Variants in GNG4 observed in about 807,000 individuals in gnomAD.
GNG4 encodes guanine nucleotide-binding protein G(I)/G(S)/G(O) subunit gamma-4.
In GNG4, 4 loss-of-function variants were observed where a neutral mutation model predicts 5.8. That is an observed-to-expected ratio of 0.69 (90% CI 0.34 to 1.57). The LOEUF (loss-of-function observed/expected upper bound fraction) is 1.57. GNG4 is among the 40% of genes most tolerant of loss of function. The probability of loss-of-function intolerance (pLI) is 0.06; values close to 1 mark genes in which losing one functional copy is unlikely to be tolerated. For synonymous variants in GNG4, 29 were observed against 32.9 expected (o/e 0.88, Z 0.41); for missense variants, 96 against 95.1 (o/e 1.01, Z -0.04).
intron 3 of GNG4, among the ~76,000 whole-genome samples, chr1:235,569,202 C>T (rs551000206): frequency 6.6e-6 from 1 of 152,246 alleles, no homozygotes; most frequent in East Asian, 1.9e-4. Context: ...AATTCAAGCA[C>T]CTAACACATA....
At chr1:235,645,503 A>T (rs930733858) in intron 1 of GNG4, among the ~76,000 whole-genome samples, 8 of 152,162 alleles carry the variant, frequency 5.3e-5, no homozygotes, top group African/African-American at 1.9e-4. Flanking sequence ...AGGTGCTTGA[A>T]TAAGAATGTT....
chr1:235,591,878 G>C (rs1403529983), intron 2 of GNG4, among the ~76,000 whole-genome samples: 1 of 152,236 alleles, frequency 6.6e-6, no homozygotes, highest in Non-Finnish European at 1.5e-5. Flanking sequence ...ATGCAGCAGA[G>C]AACCCGTTGT....
intron 3 of GNG4, among the ~76,000 whole-genome samples, chr1:235,570,927 C>CATATACACACAT (rs575887309): frequency 1.7e-5 from 2 of 118,902 alleles, no homozygotes; most frequent in African/African-American, 6.7e-5. Flanking sequence ...TATATATACA[C>CATATACACACAT]ACACACACAC....
In GNG4 at chr1:235,644,599, C is replaced by T. The variant is rs950370628; in HGVS notation, c.-123+5063G>A. Among the ~76,000 whole-genome samples, 2 of 152,360 alleles carry T rather than the reference C, an allele frequency of 1.3e-5. No homozygotes were observed. The highest frequency in any genetic ancestry group is 2.9e-5 in the Non-Finnish European group (2 of 68,034). Reference sequence around the variant, plus strand: ...CACAGCTGCCGGGGGGATAAACAAGCACCTTCAGACTAGAGCAGCTTCTGA... The same window carrying T: ...CACAGCTGCCGGGGGGATAAACAAGTACCTTCAGACTAGAGCAGCTTCTGA... On this transcript the variant is annotated intron_variant, in intron 1 of 3. Transcript: ENST00000391854. The surrounding 1 kb of genome is among the most constrained non-coding windows in gnomAD (Gnocchi z 5.9).
intron 2 of GNG4, 92 bp from the exon 3 acceptor site, chr1:235,583,940 G>A: frequency 2.9e-6 from 2 of 679,450 alleles, no homozygotes; most frequent in East Asian, 5.4e-5. Context: ...CTCTGTCCAA[G>A]CCAGGGAGCA....
intron 1 of GNG4, among the ~76,000 whole-genome samples, chr1:235,610,957 C>T (rs1571912184): frequency 6.6e-6 from 1 of 152,134 alleles, no homozygotes; most frequent in South Asian, 2.1e-4. Context: ...GCGTGGTGGC[C>T]CATGCCTGTA....
chr1:235,570,851 T>TAC (rs1491021898), intron 3 of GNG4, among the ~76,000 whole-genome samples: 6 of 107,060 alleles, frequency 5.6e-5, no homozygotes. Context: ...TCCAGCTAAT[T>TAC]ATATATATAT....
At chr1:235,609,438 C>T (rs939968231) in intron 1 of GNG4, among the ~76,000 whole-genome samples, 2 of 152,092 alleles carry the variant, frequency 1.3e-5, no homozygotes, top group African/African-American at 4.8e-5. Flanking sequence ...TAGCCATCCT[C>T]GTGGGTGTGA....
chr1:235,643,124 C>G (rs1207652823), intron 1 of GNG4, among the ~76,000 whole-genome samples: 2 of 152,216 alleles, frequency 1.3e-5, no homozygotes, highest in Admixed American at 1.3e-4. Flanking sequence ...CAGTCACAGC[C>G]AGACGGCCAA....
chr1:235,585,045 C>G (rs544953367), intron 2 of GNG4, among the ~76,000 whole-genome samples: 1 of 152,298 alleles, frequency 6.6e-6, no homozygotes, highest in African/African-American at 2.4e-5. Flanking sequence ...CCACCTACCT[C>G]CTATGGGCAA....
chr1:235,567,347 T>G (rs1392471635), intron 3 of GNG4, among the ~76,000 whole-genome samples: 1 of 152,210 alleles, frequency 6.6e-6, no homozygotes, highest in Non-Finnish European at 1.5e-5. Context: ...TCGTCTTAAC[T>G]ATTTTTAAGT....
At chr1:235,591,749 G>A (rs544801558) in intron 2 of GNG4, among the ~76,000 whole-genome samples, 1 of 152,226 alleles carries the variant, frequency 6.6e-6, no homozygotes, top group Non-Finnish European at 1.5e-5. Context: ...ATGAGGCAAG[G>A]GGGAAAAGGG....
chr1:235,630,903 CT>C (rs1257976818), intron 1 of GNG4, among the ~76,000 whole-genome samples: 195 of 145,212 alleles, frequency 1.3e-3, no homozygotes, highest in South Asian at 1.8e-3. Context: ...AGAGACTCTC[CT>C]TTTTTTTTTT....
At chr1:235,593,364 G>A (rs1001019469) in intron 2 of GNG4, among the ~76,000 whole-genome samples, 3 of 152,144 alleles carry the variant, frequency 2.0e-5, no homozygotes, top group South Asian at 2.1e-4. Flanking sequence ...GACCTGACCT[G>A]ACTCACGGCA....
At chr1:235,580,072 A>G (rs1274856727) in intron 3 of GNG4, among the ~76,000 whole-genome samples, 1 of 152,252 alleles carries the variant, frequency 6.6e-6, no homozygotes, top group East Asian at 1.9e-4. Flanking sequence ...AATGGAATAC[A>G]ACTCAGCCCT....
intron 1 of GNG4, among the ~76,000 whole-genome samples, chr1:235,634,937 A>C (rs1463219581): frequency 7.4e-6 from 1 of 135,182 alleles, no homozygotes; most frequent in Non-Finnish European, 1.5e-5. Flanking sequence ...TCTGTCTCAA[A>C]AAACAAAAAA....
intron 1 of GNG4, among the ~76,000 whole-genome samples, chr1:235,634,309 G>T (rs1270001589): frequency 6.6e-6 from 1 of 152,214 alleles, no homozygotes; most frequent in Non-Finnish European, 1.5e-5. Flanking sequence ...GAAATATGTT[G>T]CAAGAAAGCA....
At chr1:235,641,220 T>C (rs1415523185) in intron 1 of GNG4, among the ~76,000 whole-genome samples, 1 of 151,960 alleles carries the variant, frequency 6.6e-6, no homozygotes, top group Non-Finnish European at 1.5e-5. Context: ...AACCCATCTC[T>C]ACAAAAAGTT....
At chr1:235,590,927 T>G (rs986237583) in intron 2 of GNG4, among the ~76,000 whole-genome samples, 1 of 152,192 alleles carries the variant, frequency 6.6e-6, no homozygotes, top group Non-Finnish European at 1.5e-5. Flanking sequence ...AATTTTAACG[T>G]GCATATGAAT....
Sources: allele counts gnomAD v4.1 joint callset (sites outside exome capture counted in the v4.1 genomes callset), GRCh38; gene constraint gnomAD v4.1.1; non-coding constraint Gnocchi (gnomAD v3.1); transcripts MANE v1.5; gene names NCBI Gene and HGNC (gene_info 2026-07-23, HGNC 2026-07-21).